ESD: variants seen among roughly 807,000 people sequenced by gnomAD.
ESD encodes the protein esterase D.
ESD carries 34 observed loss-of-function variants against 38.1 expected under a neutral mutation model. The observed-to-expected ratio is 0.89, with a 90% CI of 0.68 to 1.19. The LOEUF is 1.19. ESD is among the 50% of genes most tolerant of loss of function. The pLI is 0.00. For missense variants in ESD, 334 were observed against 327.2 expected, an observed-to-expected ratio of 1.02 and a Z score of -0.16; for synonymous variants, 97 against 107.0, an observed-to-expected ratio of 0.91 and a Z score of 0.58.
intron 6 of ESD, among the ~76,000 whole-genome samples, chr13:46,782,339 T>C (rs1292936102): frequency 6.6e-6 from 1 of 151,872 alleles, no homozygotes; most frequent in East Asian, 1.9e-4. Flanking sequence ...GCTTTACCAC[T>C]TATGTTTTCT....
chr13:46,783,507 A>T (rs1875084680), intron 5 of ESD, among the ~76,000 whole-genome samples: 1 of 151,720 alleles, frequency 6.6e-6, no homozygotes, highest in Non-Finnish European at 1.5e-5. Flanking sequence ...CCCATTTATT[A>T]AAGTCTTCGT....
chr13:46,779,056 A>G (rs1874904885), intron 8 of ESD, among the ~76,000 whole-genome samples: 1 of 151,652 alleles, frequency 6.6e-6, no homozygotes, highest in Non-Finnish European at 1.5e-5. Context: ...TTCATTTGCA[A>G]AGTATTCAAA....
intron 8 of ESD, 107 bp downstream of exon 8, chr13:46,779,828 A>G (rs1210593383): frequency 9.7e-6 from 5 of 513,920 alleles, no homozygotes; most frequent in Non-Finnish European, 1.3e-5. Flanking sequence ...AATTTGTCTC[A>G]GCTCTAGAGC....
At chr13:46,779,159 T>G (rs1392719855) in intron 8 of ESD, among the ~76,000 whole-genome samples, 2 of 151,774 alleles carry the variant, frequency 1.3e-5, no homozygotes, top group African/African-American at 2.4e-5. Context: ...TGAAAGCACC[T>G]GTTTGCATGC....
chr13:46,775,648 C>T (rs961359400), intron 9 of ESD: 11 of 470,360 alleles, frequency 2.3e-5, no homozygotes, highest in South Asian at 7.8e-5. Context: ...CGAATCTCAA[C>T]GAAATCCGCT....
chr13:46,794,028 TG>T (rs1300411332), intron 1 of ESD, among the ~76,000 whole-genome samples: 10 of 152,286 alleles, frequency 6.6e-5, no homozygotes, highest in Middle Eastern at 6.8e-3. Flanking sequence ...GTCACTTATC[TG>T]GTAGATTTCA....
At chr13:46,773,816 A>G (rs1038135272) in intron 9 of ESD, among the ~76,000 whole-genome samples, 2 of 152,220 alleles carry the variant, frequency 1.3e-5, no homozygotes, top group African/African-American at 2.4e-5. Context: ...CTCAATGATT[A>G]GACTAGTCCC....
At chr13:46,772,361 T>G (rs968664680) in intron 9 of ESD, among the ~76,000 whole-genome samples, 1 of 152,222 alleles carries the variant, frequency 6.6e-6, no homozygotes, top group African/African-American at 2.4e-5. Context: ...ACTCTGACAC[T>G]TCTTCTGAAT....
At chr13:46,780,093 A>G (rs1303632617) in intron 7 of ESD, 60 bp from the exon 8 acceptor site, 3 of 1,146,606 alleles carry the variant, frequency 2.6e-6, no homozygotes, top group Non-Finnish European at 3.7e-6. Flanking sequence ...ATATGAATAG[A>G]TATTTGCAAC....
At chr13:46,773,472 C>T (rs1228219226) in intron 9 of ESD, among the ~76,000 whole-genome samples, 1 of 152,140 alleles carries the variant, frequency 6.6e-6, no homozygotes, top group Non-Finnish European at 1.5e-5. Flanking sequence ...TTTTGTTTTT[C>T]CCATTTTGAA....
rs765126556 is a variant in ESD, at chr13:46,787,027, G to C, written c.151C>G (p.Leu51Val). The C allele has an allele frequency of 2.0e-6, 3 of 1,528,892 alleles. No individual in the cohort carries two copies. The highest frequency in any genetic ancestry group is 2.7e-6 in the Non-Finnish European group (3 of 1,128,802). The allele number at this position is 1,528,892 out of a possible 1,614,324, so 94.7% of individuals were successfully genotyped here. The change falls in exon 4 of 10, where the codon CTC (leucine) becomes GTC (valine). Residue 51 changes from leucine (L) to valine (V), a missense_variant. Transcript: ENST00000378720. ...TCAAATGCATAATACTTACCTGAGA[G>C]CCAATACAGTGCAGGGCACTTTCCT... ...ETGKCPALYW[L>V]SGLTCTEQNF... is the part of the protein sequence containing the mutation.
intron 3 of ESD, among the ~76,000 whole-genome samples, chr13:46,787,628 T>C (rs1038838488): frequency 6.6e-6 from 1 of 151,892 alleles, no homozygotes; most frequent in East Asian, 1.9e-4. Context: ...CAGTAATTCA[T>C]GCAACAGTGA....
At chr13:46,771,884 T>C (rs757643259) in intron 9 of ESD, among the ~76,000 whole-genome samples, 1 of 152,088 alleles carries the variant, frequency 6.6e-6, no homozygotes, top group Admixed American at 6.5e-5. Flanking sequence ...ACACTATCAA[T>C]TGACAGTGTC....
intron 1 of ESD, among the ~76,000 whole-genome samples, chr13:46,794,073 T>C (rs922910862): frequency 2.0e-5 from 3 of 152,206 alleles, no homozygotes; most frequent in Admixed American, 1.3e-4. Flanking sequence ...ATTTAGGTTC[T>C]AGAACAGATT....
At chr13:46,774,420 A>G (rs1029303008) in intron 9 of ESD, among the ~76,000 whole-genome samples, 1 of 152,206 alleles carries the variant, frequency 6.6e-6, no homozygotes, top group Non-Finnish European at 1.5e-5. Flanking sequence ...TCTATTTATC[A>G]GTCTTATTAA....
At chr13:46,776,023 T>A in intron 9 of ESD, 1 of 190,148 alleles carries the variant, frequency 5.3e-6, no homozygotes, top group East Asian at 1.5e-4. Context: ...GTATCCAACA[T>A]GGGTAGTGCC....
chr13:46,790,419 C>G (rs1316828753), intron 3 of ESD, among the ~76,000 whole-genome samples: 1 of 152,102 alleles, frequency 6.6e-6, no homozygotes, highest in East Asian at 1.9e-4. Flanking sequence ...TTGGGCTACT[C>G]AAACTCCCCA....
intron 9 of ESD, among the ~76,000 whole-genome samples, chr13:46,775,164 A>G (rs532426287): frequency 6.6e-6 from 1 of 152,196 alleles, no homozygotes; most frequent in African/African-American, 2.4e-5. Context: ...AGATATCAGA[A>G]TTCTGCTACC....
intron 9 of ESD, 96 bp downstream of exon 9, chr13:46,777,360 A>G (rs745935791): frequency 1.0e-6 from 1 of 992,726 alleles, no homozygotes; most frequent in Non-Finnish European, 1.4e-6. Flanking sequence ...TAGAAGTAGC[A>G]TTTTATATTC....
Sources: gnomAD v4.1 joint callset for allele counts (sites outside exome capture counted in the v4.1 genomes callset) on GRCh38, gnomAD v4.1.1 for gene constraint, MANE v1.5 for transcripts, NCBI Gene and HGNC (gene_info 2026-07-23, HGNC 2026-07-21) for gene names.